The following SAMD15 variants were observed in gnomAD, a reference collection of about 807,000 sequenced individuals.
The protein encoded by SAMD15 is sterile alpha motif domain-containing protein 15.
SAMD15 carries 37 observed loss-of-function variants against 50.5 expected under a neutral mutation model. The observed-to-expected ratio is 0.73, with a 90% CI of 0.56 to 0.96. SAMD15 has a LOEUF of 0.96. Ranked by LOEUF, SAMD15 falls within the 40% of genes least tolerant of loss-of-function variation. The pLI is 0.00. For synonymous variants in SAMD15, 255 were observed against 282.8 expected (o/e 0.90, Z 0.99); for missense variants, 789 against 783.8 (o/e 1.01, Z -0.08).
intron 2 of SAMD15, among the ~76,000 whole-genome samples, chr14:77,381,109 G>T (rs367771782): frequency 2.6e-5 from 4 of 152,088 alleles, no homozygotes; most frequent in East Asian, 1.9e-4. Flanking sequence ...ATCTCCCCAA[G>T]AAGTCTTTTG....
chr14:77,383,392 A>G (rs1452241044), intron 2 of SAMD15, among the ~76,000 whole-genome samples: 1 of 152,204 alleles, frequency 6.6e-6, no homozygotes, highest in African/African-American at 2.4e-5. Context: ...TCTAATTCCA[A>G]AAGTACAATA....
chr14:77,390,847 G>A (rs34180883), intron 2 of SAMD15, among the ~76,000 whole-genome samples, 161 bp from the exon 3 acceptor site: 17,992 of 152,108 alleles, frequency 0.12, 1,111 homozygotes, highest in African/African-American at 0.13. Context: ...CCAAGATCGC[G>A]CCACTGCACT....
Position 77,379,024 on chromosome 14 carries a change from A to T in SAMD15, c.1606A>T (p.Thr536Ser), listed in dbSNP as rs1218971672. The T allele has an allele frequency of 6.2e-7, 1 of 1,614,014 alleles. No homozygotes were observed. Among genetic ancestry groups the T allele is most frequent in the African/African-American group, 1.3e-5 (1 of 74,926 alleles). The stretch of plus-strand genomic sequence containing the variant: ...TGACGAAACCCAGCCAGAAAAAGGG[A>T]CTGAGTTACAATTTGAGCATCTTAA... ...EDDETQPEKGTELQFEHLNWD... is the reference protein window; with the variant it reads ...EDDETQPEKGSELQFEHLNWD... The change falls in exon 1 of 3, where the codon ACT (threonine) becomes TCT (serine). Residue 536 changes from threonine to serine, a missense_variant. By Grantham distance (58) the Thr-to-Ser change is moderately conservative (BLOSUM62 1). Coordinates refer to ENST00000216471, the MANE Select transcript of SAMD15 (RefSeq NM_001010860.4).
Position 77,378,371 on chromosome 14 carries a change from G to T in SAMD15, c.953G>T (p.Arg318Ile). 1.2e-6 allele frequency: 2 copies of T among 1,613,522 alleles called. No homozygotes were observed. Among genetic ancestry groups the T allele is most frequent in the South Asian group, 2.2e-5 (2 of 90,924 alleles). The change falls in exon 1 of 3, where the codon AGA becomes ATA. Residue 318 changes from arginine to isoleucine, a missense_variant. This residue lies in a region of SAMD15 where 770 missense variants were observed against 745.4 expected (regional missense o/e 1.03). Coordinates refer to ENST00000216471, the MANE Select transcript of SAMD15 (RefSeq NM_001010860.4). ...TKPDFPDHKPRKSTDENVPEP... is the reference protein window; with the variant it reads ...TKPDFPDHKPIKSTDENVPEP... ...CCAGACTTTCCAGACCACAAGCCAA[G>T]AAAGTCTACTGATGAGAACGTTCCT...
rs1002805367 is a variant in SAMD15 at position 77,379,807 on chromosome 14, ACTT to A, written c.1690-575_1690-573del. ...TCCCTTGCTTTGAACTTGTGCTATTACTTTTTAAAGTGTCTGCCCCAAATATGT... is the reference window on the plus strand; with the variant it reads ...TCCCTTGCTTTGAACTTGTGCTATTATTTAAAGTGTCTGCCCCAAATATGT... On this transcript the variant is annotated intron_variant, in intron 1 of 2. Coordinates refer to ENST00000216471, the MANE Select transcript of SAMD15 (RefSeq NM_001010860.4). 1.1e-4 allele frequency among the ~76,000 whole-genome samples: 16 copies of A among 152,184 alleles called. 1 individual carries two copies. Among genetic ancestry groups the A allele is most frequent in the Admixed American group, 1.0e-3 (16 of 15,276 alleles).
chr14:77,377,852 T>G lies in SAMD15; in HGVS notation c.434T>G (p.Val145Gly). 6.2e-7 allele frequency: 1 copy of G among 1,614,034 alleles called. No individual in the cohort carries two copies. The highest frequency in any genetic ancestry group is 8.5e-7 in the Non-Finnish European group (1 of 1,180,010). The change falls in exon 1 of 3, where the codon GTT becomes GGT. Residue 145 changes from valine to glycine, a missense_variant. Physicochemically the swap from Val to Gly is moderately radical, Grantham distance 109 (BLOSUM62 -3). Transcript: ENST00000216471. ...LEPPEEAKPN[V>G]TEDVFLESAM... ...CCACCAGAGGAGGCTAAACCAAATG[T>G]TACAGAGGATGTGTTCCTAGAGTCA...
chr14:77,386,033 G>A (rs1894001953), intron 2 of SAMD15, among the ~76,000 whole-genome samples: 2 of 151,070 alleles, frequency 1.3e-5, no homozygotes, highest in South Asian at 4.2e-4. Flanking sequence ...ACTTTTTTGA[G>A]GAGATAGAGA....
chr14:77,378,668 T>C lies in SAMD15; in HGVS notation c.1250T>C (p.Val417Ala), dbSNP rs1268750905. ...PDETKPRETH[V>A]EFSKEDRPEP... ...GAAACCAAACCAAGGGAGACACATG[T>C]AGAATTTTCCAAGGAAGACAGGCCA... The change falls in exon 1 of 3, where the codon GTA becomes GCA. Residue 417 changes from valine (V) to alanine (A), a missense_variant. Coordinates refer to ENST00000216471, the MANE Select transcript of SAMD15 (RefSeq NM_001010860.4). The C allele has an allele frequency of 1.2e-6, 2 of 1,614,124 alleles. No homozygotes were observed. Among genetic ancestry groups the C allele is most frequent in the Non-Finnish European group, 1.7e-6 (2 of 1,180,004 alleles).
At chr14:77,389,548 G>A (rs1030883026) in intron 2 of SAMD15, among the ~76,000 whole-genome samples, 9 of 140,864 alleles carry the variant, frequency 6.4e-5, no homozygotes, top group African/African-American at 2.1e-4. Flanking sequence ...TCACCTAGGC[G>A]GGAGTAGAGT....
In SAMD15 at chr14:77,377,946, C is replaced by CA; in HGVS notation, c.529dup (p.Arg177LysfsTer13). 1 of 1,613,966 alleles carries CA rather than the reference C, an allele frequency of 6.2e-7. No individual in the cohort carries two copies. The highest frequency in any genetic ancestry group is 8.5e-7 in the Non-Finnish European group (1 of 1,179,992). ...TGTCTGAGGTTTCGGGGGCCACAGTCAGAGAGAGAAATTTAGAATTACTAG... is the reference window on the plus strand; with the variant it reads ...TGTCTGAGGTTTCGGGGGCCACAGTCAAGAGAGAGAAATTTAGAATTACTAG... On this transcript the variant is annotated frameshift_variant, in exon 1 of 3. Transcript: ENST00000216471. LOFTEE classifies it high-confidence loss of function.
intron 2 of SAMD15, among the ~76,000 whole-genome samples, chr14:77,390,099 G>A (rs1169720907): frequency 6.6e-6 from 1 of 151,756 alleles, no homozygotes; most frequent in Non-Finnish European, 1.5e-5. Context: ...AGGTTCAAGC[G>A]ATTCTCCGGC....
intron 2 of SAMD15, among the ~76,000 whole-genome samples, chr14:77,380,821 C>A (rs1893935464): frequency 6.6e-6 from 1 of 152,136 alleles, no homozygotes; most frequent in Non-Finnish European, 1.5e-5. Flanking sequence ...TTTATGCTCT[C>A]ACTTTCCACC....
At position 77,379,150 on chromosome 14, in the gene SAMD15, G is replaced by A. The variant is rs574926637; in HGVS notation, c.1689+43G>A. Reference sequence around the variant, plus strand: ...GTTTTGAAATCACATGCTGTCATCCGTCTACTTCTTATTCCTTCTAACTTG... The same window carrying A: ...GTTTTGAAATCACATGCTGTCATCCATCTACTTCTTATTCCTTCTAACTTG... On this transcript the variant is annotated intron_variant, in intron 1 of 2. Transcript: ENST00000216471. 33 of 1,565,864 alleles carry A rather than the reference G, an allele frequency of 2.1e-5. No individual in the cohort carries two copies. In the South Asian group the frequency reaches 3.1e-4, roughly 15 times the overall value.
chr14:77,385,465 T>G (rs1893994468), intron 2 of SAMD15, among the ~76,000 whole-genome samples: 1 of 151,864 alleles, frequency 6.6e-6, no homozygotes, highest in Admixed American at 6.6e-5. Flanking sequence ...TTTTTTGTAT[T>G]TTTAGTAGAG....
chr14:77,379,341 C>T (rs944285438), intron 1 of SAMD15, among the ~76,000 whole-genome samples: 1 of 151,444 alleles, frequency 6.6e-6, no homozygotes, highest in African/African-American at 2.4e-5. Context: ...GATTACACTT[C>T]TCTGCAATCC....
rs1237667696 is a variant in SAMD15 at position 77,379,044 on chromosome 14, T to C, written c.1626T>C (p.His542=). Residue 542 remains histidine, a synonymous_variant, in exon 1 of 3, where the codon CAT becomes CAC. Coordinates refer to ENST00000216471, the MANE Select transcript of SAMD15 (RefSeq NM_001010860.4). ...AAGGGACTGAGTTACAATTTGAGCA[T>C]CTTAATTGGGATCCAGAGGAAGTTG... ...PEKGTELQFE[H]LNWDPEEVAE... The C allele has an allele frequency of 1.2e-6, 2 of 1,613,988 alleles. No homozygotes were observed. Among genetic ancestry groups the C allele is most frequent in the African/African-American group, 2.7e-5 (2 of 75,052 alleles).
Position 77,380,412 on chromosome 14 carries a change from C to T in SAMD15, c.1719C>T (p.Gly573=). ...GTTTTATCACAAACTTCATCAGTGG[C>T]CGAAAACTCATTCACGTCAACTGCT... The part of the protein sequence containing the change: ...KECFITNFIS[G]RKLIHVNCSN... The change falls in exon 2 of 3, where the codon GGC becomes GGT. Residue 573 remains glycine (G), a synonymous_variant. Coordinates refer to ENST00000216471, the MANE Select transcript of SAMD15 (RefSeq NM_001010860.4). The T allele has an allele frequency of 6.2e-7, 1 of 1,613,644 alleles. No individual in the cohort carries two copies.
Position 77,377,465 on chromosome 14 carries a change from G to T in SAMD15, c.47G>T (p.Gly16Val). The part of the protein sequence containing the change: ...EDYDSGPDED[G>V]ELEPERPELP... ...TATGATTCCGGCCCAGATGAAGATG[G>T]AGAGCTGGAGCCTGAGAGGCCTGAA... The change falls in exon 1 of 3, where the codon GGA (glycine) becomes GTA (valine). Residue 16 changes from glycine (G) to valine (V), a missense_variant. Around this residue, in one of 2 missense-constraint regions of SAMD15, gnomAD observed 770 missense variants for 745.4 expected, o/e 1.03. Transcript: ENST00000216471. 1 of 1,613,864 alleles carries T rather than the reference G, an allele frequency of 6.2e-7. No individual in the cohort carries two copies. Among genetic ancestry groups the T allele is most frequent in the South Asian group, 1.1e-5 (1 of 91,058 alleles).
At chr14:77,389,383 G>A (rs1894045482) in intron 2 of SAMD15, among the ~76,000 whole-genome samples, 1 of 151,698 alleles carries the variant, frequency 6.6e-6, no homozygotes, top group South Asian at 2.1e-4. Context: ...CTTTGGCTGT[G>A]TTCTAGCAGC....
Sources: gnomAD v4.1 joint callset for allele counts (sites outside exome capture counted in the v4.1 genomes callset) on GRCh38, gnomAD v4.1.1 for gene constraint, gnomAD v4.1.1 regional missense constraint, MANE v1.5 for transcripts, NCBI Gene and HGNC (gene_info 2026-07-23, HGNC 2026-07-21) for gene names.